Variants in ARHGAP24 observed in about 807,000 individuals in gnomAD.
The protein encoded by ARHGAP24 is Rho GTPase activating protein 24, also known as rho GTPase-activating protein 24.
In ARHGAP24, 50 loss-of-function variants were observed where a neutral mutation model predicts 76.4. That is an observed-to-expected ratio of 0.65 (90% CI 0.52 to 0.83). The LOEUF is 0.83. Among genes scored for constraint, ARHGAP24 ranks in the 40% least tolerant of loss-of-function variants. The pLI, the probability that ARHGAP24 is intolerant of heterozygous loss-of-function variation, is 0.00. For synonymous variants in ARHGAP24, 345 were observed against 323.3 expected, an observed-to-expected ratio of 1.07 and a Z score of -0.72; for missense variants, 930 against 914.2, an observed-to-expected ratio of 1.02 and a Z score of -0.22.
At chr4:85,532,555 T>C (rs960059868) in intron 1 of ARHGAP24, among the ~76,000 whole-genome samples, 1 of 152,304 alleles carries the variant, frequency 6.6e-6, no homozygotes, top group Admixed American at 6.5e-5. Flanking sequence ...AATTTGACCA[T>C]ACAGAATTTA....
At chr4:85,524,450 A>G (rs1724905936) in intron 1 of ARHGAP24, among the ~76,000 whole-genome samples, 1 of 152,130 alleles carries the variant, frequency 6.6e-6, no homozygotes. Flanking sequence ...CTATAGAGAT[A>G]ATAATAATAA....
chr4:85,817,729 A>G (rs1729303243), intron 3 of ARHGAP24, among the ~76,000 whole-genome samples: 1 of 152,218 alleles, frequency 6.6e-6, no homozygotes, highest in Non-Finnish European at 1.5e-5. Flanking sequence ...GGTATTTAAT[A>G]CAAAAGGTTG....
rs1329803538 is a variant in ARHGAP24, at chr4:85,755,631, G to GTTTTTT, written c.268+33663_268+33664insTTTTTT. On this transcript the variant is annotated intron_variant, in intron 3 of 9. Coordinates refer to ENST00000395184, the MANE Select transcript of ARHGAP24 (RefSeq NM_001025616.3). The stretch of plus-strand genomic sequence containing the variant: ...TGGGAAGCTTCTATTCTTTTGTTTT[G>GTTTTTT]TTTTGTTTTGTTTTGTTTTGAGACG... 8.6e-5 allele frequency among the ~76,000 whole-genome samples: 10 copies of GTTTTTT among 115,824 alleles called. 1 individual carries two copies. The highest frequency in any genetic ancestry group is 1.2e-4 in the Non-Finnish European group (7 of 56,790). The allele number at this position is 115,824 out of a possible 152,430, so 76.0% of individuals were successfully genotyped here. A position where few individuals can be genotyped will look rare whatever the true frequency, so the allele number is the denominator to read the frequency against.
chr4:85,492,490 C>CA (rs1305089161), intron 1 of ARHGAP24, among the ~76,000 whole-genome samples: 3 of 152,136 alleles, frequency 2.0e-5, no homozygotes, highest in Admixed American at 6.5e-5. Flanking sequence ...ATAATGGATT[C>CA]AAAAAAGCCT....
chr4:85,570,903 G>T, intron 2 of ARHGAP24, 182 bp downstream of exon 2: 1 of 627,680 alleles, frequency 1.6e-6, no homozygotes, highest in South Asian at 2.2e-5. Context: ...CGCTAATTGA[G>T]GCCAAGAGGC....
chr4:85,561,368 A>G (rs997152486), intron 1 of ARHGAP24, among the ~76,000 whole-genome samples: 1 of 152,228 alleles, frequency 6.6e-6, no homozygotes, highest in Non-Finnish European at 1.5e-5. Context: ...GAGCTAAAAC[A>G]ATCTCTATTA....
chr4:85,493,531 T>A (rs1210627356), intron 1 of ARHGAP24, among the ~76,000 whole-genome samples: 3 of 152,242 alleles, frequency 2.0e-5, no homozygotes, highest in Non-Finnish European at 2.9e-5. Flanking sequence ...AACTGATATT[T>A]ATTTTGTTGC....
intron 1 of ARHGAP24, among the ~76,000 whole-genome samples, chr4:85,566,783 G>A (rs1224289679): frequency 6.6e-6 from 1 of 152,212 alleles, no homozygotes; most frequent in Non-Finnish European, 1.5e-5. Context: ...AGAAGTGTCA[G>A]GGAGACAAAG....
chr4:85,658,543 C>A (rs555000337), intron 2 of ARHGAP24, among the ~76,000 whole-genome samples: 11 of 152,300 alleles, frequency 7.2e-5, no homozygotes, highest in Non-Finnish European at 1.6e-4. Flanking sequence ...ATCAAGTACA[C>A]AGTAAGCACT....
intron 3 of ARHGAP24, among the ~76,000 whole-genome samples, chr4:85,860,904 C>G (rs1469701777): frequency 4.6e-5 from 7 of 151,632 alleles, no homozygotes; most frequent in Admixed American, 4.6e-4. Context: ...TTAATACTGG[C>G]TTTCTCAGAT....
At position 85,853,368 on chromosome 4, in the gene ARHGAP24, G is replaced by A. The variant is rs539131322; in HGVS notation, c.269-70280G>A. Reference sequence around the variant, plus strand: ...TTGGGTGGCAATATCCTGATTTTCCGGGTACAGTCTGTCACAGCTTCCCTT... The same window carrying A: ...TTGGGTGGCAATATCCTGATTTTCCAGGTACAGTCTGTCACAGCTTCCCTT... On this transcript the variant is annotated intron_variant, in intron 3 of 9. Transcript: ENST00000395184. Among the ~76,000 whole-genome samples the A allele has an allele frequency of 5.3e-5, 8 of 152,260 alleles. No homozygotes were observed. In the East Asian group the frequency reaches 5.8e-4, roughly 11 times the overall value.
At chr4:85,653,391 G>A (rs1722018034) in intron 2 of ARHGAP24, among the ~76,000 whole-genome samples, 2 of 152,252 alleles carry the variant, frequency 1.3e-5, no homozygotes, top group South Asian at 2.1e-4. Flanking sequence ...GATGAAAATA[G>A]CATAAGTAAA....
intron 5 of ARHGAP24, among the ~76,000 whole-genome samples, chr4:85,947,532 G>A (rs1411324008): frequency 1.3e-5 from 2 of 152,088 alleles, no homozygotes; most frequent in East Asian, 3.9e-4. Flanking sequence ...TATGAATTTG[G>A]GGGAACACAA....
At chr4:85,926,019 T>C (rs956697634) in intron 4 of ARHGAP24, among the ~76,000 whole-genome samples, 2 of 151,264 alleles carry the variant, frequency 1.3e-5, no homozygotes, top group Non-Finnish European at 2.9e-5. Flanking sequence ...TTTTCTCCCC[T>C]TTCTCCTCTT....
At chr4:85,537,527 C>A (rs1312121243) in intron 1 of ARHGAP24, among the ~76,000 whole-genome samples, 1 of 151,896 alleles carries the variant, frequency 6.6e-6, no homozygotes, top group East Asian at 1.9e-4. Context: ...TTTCTTCCTG[C>A]TAAATTTTGA....
chr4:85,999,976 C>G (rs1740908838), intron 9 of ARHGAP24: 1 of 159,690 alleles, frequency 6.3e-6, no homozygotes, highest in East Asian at 1.8e-4. Flanking sequence ...TAAGATGGGA[C>G]TCTATATGCT....
intron 3 of ARHGAP24, chr4:85,779,019 A>T: frequency 1.0e-6 from 1 of 983,200 alleles, no homozygotes; most frequent in South Asian, 4.7e-5. Context: ...GGGGACAAGT[A>T]TTTAGTGGTC....
intron 2 of ARHGAP24, among the ~76,000 whole-genome samples, chr4:85,683,110 G>GT (rs1163532628): frequency 1.1e-3 from 102 of 95,764 alleles, no homozygotes; most frequent in African/African-American, 3.8e-3. Flanking sequence ...CTCAGTGTGT[G>GT]GGGGGGTGGG....
intron 3 of ARHGAP24, among the ~76,000 whole-genome samples, chr4:85,835,267 G>A (rs1277617272): frequency 4.0e-5 from 6 of 150,754 alleles, no homozygotes; most frequent in Admixed American, 4.0e-4. Context: ...AAAAAAAAAA[G>A]CAAACTTTGG....
Sources: gnomAD v4.1 joint callset for allele counts (sites outside exome capture counted in the v4.1 genomes callset) on GRCh38, gnomAD v4.1.1 for gene constraint, MANE v1.5 for transcripts, NCBI Gene and HGNC (gene_info 2026-07-23, HGNC 2026-07-21) for gene names.